Variants in BCKDHB observed in about 807,000 individuals in gnomAD.
The protein encoded by BCKDHB is 2-oxoisovalerate dehydrogenase subunit beta, mitochondrial.
A neutral mutation model predicts 48.5 loss-of-function variants in BCKDHB; 41 were observed. The observed-to-expected ratio is 0.85, with a 90% CI of 0.66 to 1.10. The LOEUF is 1.10. BCKDHB is among the 50% of genes least tolerant of loss of function. The pLI, the probability that BCKDHB is intolerant of heterozygous loss-of-function variation, is 0.00. For synonymous variants in BCKDHB, 201 were observed against 174.8 expected, an observed-to-expected ratio of 1.15 and a Z score of -1.18; for missense variants, 496 against 494.2, an observed-to-expected ratio of 1.00 and a Z score of -0.03.
At chr6:80,165,200 C>T (rs2127770481) in intron 3 of BCKDHB, among the ~76,000 whole-genome samples, 2 of 152,212 alleles carry the variant, frequency 1.3e-5, no homozygotes, top group Middle Eastern at 6.8e-3. Flanking sequence ...CTGTGAATTC[C>T]ATGGGAGACA....
chr6:80,124,032 A>T (rs1475019834), intron 1 of BCKDHB, among the ~76,000 whole-genome samples: 5 of 151,912 alleles, frequency 3.3e-5, no homozygotes, highest in African/African-American at 4.8e-5. Flanking sequence ...GGGCATTTAG[A>T]GCTATAAATT....
chr6:80,377,954 A>G, the BCKDHB span, among the ~76,000 whole-genome samples: 1 of 152,194 alleles, frequency 6.6e-6, no homozygotes, highest in Admixed American at 6.5e-5. Context: ...AGATCTGTGA[A>G]CACGAGATAT....
chr6:80,370,841 T>C, the BCKDHB span, among the ~76,000 whole-genome samples: 1 of 151,624 alleles, frequency 6.6e-6, no homozygotes, highest in Non-Finnish European at 1.5e-5. Flanking sequence ...TGTGTGTGTT[T>C]GTGTGTGTGT....
chr6:80,166,384 G>A (rs1013070480), intron 3 of BCKDHB, among the ~76,000 whole-genome samples: 2 of 152,050 alleles, frequency 1.3e-5, no homozygotes, highest in Admixed American at 1.3e-4. Context: ...AGCCAGGCCC[G>A]GTAGCTCATG....
At chr6:80,139,686 A>G (rs1237220467) in intron 3 of BCKDHB, among the ~76,000 whole-genome samples, 1 of 152,086 alleles carries the variant, frequency 6.6e-6, no homozygotes, top group Non-Finnish European at 1.5e-5. Context: ...GACCAGTACC[A>G]TGCTGTTTTG....
chr6:80,438,484 A>C, the BCKDHB span, among the ~76,000 whole-genome samples: 3 of 152,230 alleles, frequency 2.0e-5, no homozygotes, highest in African/African-American at 7.2e-5. Flanking sequence ...AAGTAGAACC[A>C]AAAAGTGATA....
intron 8 of BCKDHB, among the ~76,000 whole-genome samples, chr6:80,230,240 G>A (rs567944486): frequency 0.013 from 1,898 of 150,792 alleles, 35 homozygotes; most frequent in African/African-American, 0.044. Context: ...GGGTTTCACC[G>A]TGTTAGCCAG....
intron 3 of BCKDHB, among the ~76,000 whole-genome samples, chr6:80,134,243 G>T (rs1283241858): frequency 6.6e-6 from 1 of 152,160 alleles, no homozygotes; most frequent in Non-Finnish European, 1.5e-5. Flanking sequence ...CTAAACATGT[G>T]CCTTTTCATG....
the BCKDHB span, among the ~76,000 whole-genome samples, chr6:80,465,153 C>G: frequency 2.0e-5 from 3 of 152,120 alleles, no homozygotes; most frequent in Non-Finnish European, 4.4e-5. Context: ...GTGGCATTTC[C>G]CCAAATGTAG....
At chr6:80,391,039 A>G in the BCKDHB span, among the ~76,000 whole-genome samples, 3 of 152,262 alleles carry the variant, frequency 2.0e-5, no homozygotes, top group Admixed American at 2.0e-4. Flanking sequence ...TTGGACTCCA[A>G]GTTCTTCAAT....
chr6:80,203,083 AT>A lies in BCKDHB; in HGVS notation c.841-14del. 1 of 1,549,278 alleles carries A rather than the reference AT, an allele frequency of 6.5e-7. No homozygotes were observed. The highest frequency in any genetic ancestry group is 8.9e-7 in the Non-Finnish European group (1 of 1,121,498). ...GAACCTTTGTAGTCATTCTCTGCAT[AT>A]TTTTCTCTTTATTTCAGGTTCATGT... On this transcript the variant is annotated intron_variant, in intron 7 of 9. Transcript: ENST00000320393.
At chr6:80,124,459 T>G (rs1439321915) in intron 1 of BCKDHB, among the ~76,000 whole-genome samples, 1 of 151,772 alleles carries the variant, frequency 6.6e-6, no homozygotes, top group Non-Finnish European at 1.5e-5. Flanking sequence ...GTTAACCTTG[T>G]TTCTCGTTGT....
rs190824388 is a variant in BCKDHB at position 80,242,893 on chromosome 6, T to G, written c.952-30242T>G. Among the ~76,000 whole-genome samples the G allele has an allele frequency of 2.0e-5, 3 of 152,228 alleles. No homozygotes were observed. In the East Asian group the frequency reaches 5.8e-4, roughly 30 times the overall value. On this transcript the variant is annotated intron_variant, in intron 8 of 9. Coordinates refer to ENST00000320393, the MANE Select transcript of BCKDHB (RefSeq NM_183050.4). ...GGGTAGGTTTCCAGAGACCCAAATC[T>G]GTTTGGGTTAAAGGCAAATCTGTAG... is the stretch of plus-strand genomic sequence containing the variant.
At chr6:80,125,314 TG>T (rs1770287245) in intron 1 of BCKDHB, among the ~76,000 whole-genome samples, 1 of 152,234 alleles carries the variant, frequency 6.6e-6, no homozygotes, top group Middle Eastern at 3.2e-3. Context: ...GATTAGGCTT[TG>T]ACTTAAGGGA....
At chr6:80,412,912 T>A in the BCKDHB span, among the ~76,000 whole-genome samples, 1 of 152,178 alleles carries the variant, frequency 6.6e-6, no homozygotes, top group Non-Finnish European at 1.5e-5. Context: ...GGCAAATAGC[T>A]TTTTACTCAC....
intron 3 of BCKDHB, among the ~76,000 whole-genome samples, chr6:80,130,978 C>T (rs748853378): frequency 2.0e-5 from 3 of 152,166 alleles, no homozygotes; most frequent in African/African-American, 4.8e-5. Context: ...ATTCAACTCA[C>T]TGCGTCAGGT....
intron 9 of BCKDHB, among the ~76,000 whole-genome samples, chr6:80,296,775 A>C (rs1767280759): frequency 6.6e-6 from 1 of 152,156 alleles, no homozygotes; most frequent in African/African-American, 2.4e-5. Flanking sequence ...CACACACAGA[A>C]TCTCTTTTAC....
chr6:80,417,981 A>C, the BCKDHB span, among the ~76,000 whole-genome samples: 2 of 152,112 alleles, frequency 1.3e-5, no homozygotes, highest in East Asian at 3.9e-4. Flanking sequence ...TGAGTCTTAT[A>C]TTCCATCTCT....
the BCKDHB span, among the ~76,000 whole-genome samples, chr6:80,462,435 C>T: frequency 1.3e-5 from 2 of 152,166 alleles, no homozygotes; most frequent in Non-Finnish European, 2.9e-5. Flanking sequence ...TGCATTATTT[C>T]AGAGTCACTA....
Sources: gnomAD v4.1 joint callset for allele counts (sites outside exome capture counted in the v4.1 genomes callset) on GRCh38, gnomAD v4.1.1 for gene constraint, MANE v1.5 for transcripts, NCBI Gene and HGNC (gene_info 2026-07-23, HGNC 2026-07-21) for gene names.